The following HDAC9 variants were observed in gnomAD, a reference collection of about 807,000 sequenced individuals.
HDAC9 encodes histone deacetylase 9.
In HDAC9, 41 loss-of-function variants were observed where a neutral mutation model predicts 139.4. The ratio of observed to expected loss-of-function variants is 0.29; its 90% CI spans 0.23 to 0.38. The LOEUF is 0.38. Ranked by LOEUF, HDAC9 falls within the 10% of genes least tolerant of loss-of-function variation. The pLI is 1.00. For synonymous variants in HDAC9, 517 were observed against 476.2 expected, an observed-to-expected ratio of 1.09 and a Z score of -1.12; for missense variants, 1,147 against 1,297.0, an observed-to-expected ratio of 0.88 and a Z score of 1.78.
intron 1 of HDAC9, among the ~76,000 whole-genome samples, chr7:18,484,348 A>G (rs184678802): frequency 6.6e-6 from 1 of 152,020 alleles, no homozygotes; most frequent in East Asian, 1.9e-4. Flanking sequence ...AAAAAAAAGT[A>G]AATGTCTATA....
rs1381990067 is a variant in HDAC9 at position 18,935,843 on chromosome 7, G to T, written c.2838G>T (p.Leu946Phe). ...FGHLTKQLMT[L>F]ADGRVVLALE... ...ATTTGACGAAGCAATTGATGACATT[G>T]GCTGATGGACGTGTGGTGTTGGCTC... The change falls in exon 23 of 26, where the codon TTG becomes TTT. Residue 946 changes from leucine to phenylalanine, a missense_variant. Around this residue, in one of 7 missense-constraint regions of HDAC9, gnomAD observed 407 missense variants for 521.5 expected, o/e 0.78. Coordinates refer to ENST00000686413, the MANE Select transcript of HDAC9 (RefSeq NM_178425.4). 1 of 1,613,614 alleles carries T rather than the reference G, an allele frequency of 6.2e-7. No individual in the cohort carries two copies. The highest frequency in any genetic ancestry group is 8.5e-7 in the Non-Finnish European group (1 of 1,179,628).
At chr7:18,445,739 T>C (rs924546198) in intron 1 of HDAC9, among the ~76,000 whole-genome samples, 5 of 152,244 alleles carry the variant, frequency 3.3e-5, no homozygotes, top group Non-Finnish European at 1.5e-5. Flanking sequence ...AAACTTCAGC[T>C]TGCCTGAATC....
chr7:18,169,562 T>A (rs201013669), intron 2 of HDAC9, among the ~76,000 whole-genome samples: 1 of 152,260 alleles, frequency 6.6e-6, no homozygotes, highest in African/African-American at 2.4e-5. Context: ...CTGCACCCAT[T>A]AACTCATCAT....
At chr7:18,341,337 C>G (rs1266502645) in intron 1 of HDAC9, among the ~76,000 whole-genome samples, 1 of 151,522 alleles carries the variant, frequency 6.6e-6, no homozygotes, top group Admixed American at 6.6e-5. Flanking sequence ...AGTATTTCTT[C>G]AAATTATCTT....
At chr7:18,921,928 G>A (rs1468319447) in intron 22 of HDAC9, among the ~76,000 whole-genome samples, 1 of 152,020 alleles carries the variant, frequency 6.6e-6, no homozygotes, top group Non-Finnish European at 1.5e-5. Flanking sequence ...GTCCTTTGTA[G>A]GGACATGGAT....
chr7:18,658,879 T>G (rs1441293231), intron 11 of HDAC9, among the ~76,000 whole-genome samples: 2 of 140,264 alleles, frequency 1.4e-5, no homozygotes, highest in Non-Finnish European at 3.0e-5. Flanking sequence ...ATATTACATT[T>G]ATTTAAAAGA....
chr7:18,943,217 T>C (rs1782141662), intron 23 of HDAC9, among the ~76,000 whole-genome samples: 1 of 152,064 alleles, frequency 6.6e-6, no homozygotes, highest in African/African-American at 2.4e-5. Flanking sequence ...GAACTTCCCT[T>C]CAATGTTGTT....
intron 1 of HDAC9, among the ~76,000 whole-genome samples, chr7:18,418,189 A>C (rs1306231628): frequency 6.6e-6 from 1 of 152,142 alleles, no homozygotes; most frequent in Non-Finnish European, 1.5e-5. Flanking sequence ...TTTCAGGCAG[A>C]AGGGTAAATT....
chr7:18,124,792 C>T (rs1006131033), intron 1 of HDAC9, among the ~76,000 whole-genome samples: 8 of 152,160 alleles, frequency 5.3e-5, no homozygotes, highest in Non-Finnish European at 1.2e-4. Context: ...CCATATTGCC[C>T]ATTCTAGAGC....
chr7:18,658,636 C>A (rs1384793197), intron 11 of HDAC9, among the ~76,000 whole-genome samples: 1 of 151,996 alleles, frequency 6.6e-6, no homozygotes, highest in African/African-American at 2.4e-5. Flanking sequence ...CATCTGATTA[C>A]TTCCCTAAAA....
chr7:18,834,308 A>G (rs866572759), intron 19 of HDAC9, among the ~76,000 whole-genome samples: 28 of 151,930 alleles, frequency 1.8e-4, no homozygotes, highest in African/African-American at 6.8e-4. Context: ...ATACAAATAT[A>G]TAAATTATCC....
At chr7:18,303,348 A>G (rs1419418304) in intron 1 of HDAC9, among the ~76,000 whole-genome samples, 1 of 149,834 alleles carries the variant, frequency 6.7e-6, no homozygotes, top group Non-Finnish European at 1.5e-5. Context: ...CTGGGACTAC[A>G]GGCACCCACC....
chr7:18,973,035 T>G (rs1784345249), intron 24 of HDAC9, among the ~76,000 whole-genome samples: 4 of 152,172 alleles, frequency 2.6e-5, no homozygotes, highest in Admixed American at 2.0e-4. Context: ...GACAGCAGAG[T>G]GCAGAGGAAG....
At chr7:18,115,163 G>C (rs1021213638) in intron 1 of HDAC9, among the ~76,000 whole-genome samples, 2 of 151,954 alleles carry the variant, frequency 1.3e-5, no homozygotes, top group Non-Finnish European at 2.9e-5. Context: ...CTTGGTGGCG[G>C]GCGCCTGTAG....
chr7:18,355,574 C>T (rs1783192663), intron 1 of HDAC9, among the ~76,000 whole-genome samples: 1 of 152,122 alleles, frequency 6.6e-6, no homozygotes, highest in Non-Finnish European at 1.5e-5. Context: ...GACTGTTGGA[C>T]TGCATGCTAA....
chr7:18,727,990 C>T (rs1017511969), intron 13 of HDAC9, among the ~76,000 whole-genome samples: 6 of 152,160 alleles, frequency 3.9e-5, no homozygotes, highest in African/African-American at 1.4e-4. Context: ...CTGGAAAATA[C>T]ATCAACAGGT....
intron 1 of HDAC9, among the ~76,000 whole-genome samples, chr7:18,335,908 T>G (rs543600726): frequency 2.0e-5 from 3 of 151,740 alleles, no homozygotes; most frequent in South Asian, 4.1e-4. Context: ...ACTAGTATAT[T>G]TCAAGAAGTA....
At chr7:18,937,224 G>C (rs1048418229) in intron 23 of HDAC9, among the ~76,000 whole-genome samples, 2 of 151,794 alleles carry the variant, frequency 1.3e-5, no homozygotes, top group African/African-American at 2.4e-5. Flanking sequence ...ATTTTTAGTA[G>C]AGACGGGGTT....
intron 6 of HDAC9, among the ~76,000 whole-genome samples, chr7:18,594,235 T>G (rs183440939): frequency 5.4e-4 from 82 of 152,198 alleles, no homozygotes; most frequent in Admixed American, 5.0e-3. Context: ...AAATATCTCT[T>G]TTTCAGTTTA....
Sources: allele counts gnomAD v4.1 joint callset (sites outside exome capture counted in the v4.1 genomes callset), GRCh38; gene constraint gnomAD v4.1.1; regional missense constraint gnomAD v4.1.1; transcripts MANE v1.5; gene names NCBI Gene and HGNC (gene_info 2026-07-23, HGNC 2026-07-21).